MTHFD1L: variants seen among roughly 807,000 people sequenced by gnomAD.
MTHFD1L encodes methylenetetrahydrofolate dehydrogenase (NADP+ dependent) 1 like, also known as monofunctional C1-tetrahydrofolate synthase, mitochondrial.
Under a neutral mutation model 119.5 loss-of-function variants are expected in MTHFD1L, and 81 were observed. That is an observed-to-expected ratio of 0.68 (90% confidence interval 0.57 to 0.82). MTHFD1L has a LOEUF of 0.82. Ranked by LOEUF, MTHFD1L falls within the 40% of genes least tolerant of loss-of-function variation. The pLI is 0.00. For synonymous variants in MTHFD1L, 430 were observed against 475.2 expected (o/e 0.90, Z 1.24); for missense variants, 1,125 against 1,253.4 (o/e 0.90, Z 1.55).
Position 150,925,023 on chromosome 6 carries a change from C to T in MTHFD1L, c.1083-1099C>T, listed in dbSNP as rs371185796. ...TGTGTTTGCTGTTGCCTCTTACCCC[C>T]GGGTCAGGCCCCTACAGGATCCTGG... On this transcript the variant is annotated intron_variant, in intron 10 of 27. Transcript: ENST00000367321. Among the ~76,000 whole-genome samples the T allele has an allele frequency of 2.9e-4, 44 of 152,178 alleles. 1 individual carries two copies. In the East Asian group the frequency reaches 5.4e-3, roughly 19 times the overall value.
intron 26 of MTHFD1L, among the ~76,000 whole-genome samples, chr6:151,043,258 CTT>C (rs1170553631): frequency 2.5e-5 from 2 of 78,852 alleles, no homozygotes; most frequent in Non-Finnish European, 4.5e-5. Context: ...AGTGTTTTCT[CTT>C]TTTTTTTTTT....
intron 26 of MTHFD1L, among the ~76,000 whole-genome samples, chr6:151,086,213 C>A (rs1793783456): frequency 6.6e-6 from 1 of 152,158 alleles, no homozygotes; most frequent in Admixed American, 6.6e-5. Context: ...TCTACTAAGT[C>A]AAGCAAATAG....
rs1351859622 is a variant in MTHFD1L, at chr6:150,994,038, G to A, written c.2126-15781G>A. Among the ~76,000 whole-genome samples, 2 of 93,658 alleles carry A rather than the reference G, an allele frequency of 2.1e-5. 1 individual carries two copies. Among genetic ancestry groups the A allele is most frequent in the Non-Finnish European group, 3.9e-5 (2 of 50,696 alleles). 61.4% of individuals were successfully genotyped at this position (93,658 alleles called of 152,430 possible). A position where few individuals can be genotyped will look rare whatever the true frequency, so the allele number is the denominator to read the frequency against. ...TTTGCAAATGAGTCAGTTAGGATTA[G>A]TTTTACCCACAAATAACAACAACAG... On this transcript the variant is annotated intron_variant, in intron 20 of 27. Transcript: ENST00000367321.
chr6:150,921,837 A>G (rs1256467126), intron 9 of MTHFD1L, among the ~76,000 whole-genome samples: 1 of 152,250 alleles, frequency 6.6e-6, no homozygotes, highest in African/African-American at 2.4e-5. Context: ...TTTTAAAAAC[A>G]TTCTCAGATT....
intron 16 of MTHFD1L, 81 bp downstream of exon 16, chr6:150,949,214 T>A: frequency 9.0e-7 from 1 of 1,108,384 alleles, no homozygotes; most frequent in Non-Finnish European, 1.4e-6. Flanking sequence ...TTCAGAAACT[T>A]ACAGTTTGAT....
intron 24 of MTHFD1L, among the ~76,000 whole-genome samples, chr6:151,025,962 A>G (rs1192764728): frequency 1.3e-5 from 2 of 152,222 alleles, no homozygotes; most frequent in South Asian, 2.1e-4. Flanking sequence ...TAAAGCCTTC[A>G]TGGATCTTTA....
At chr6:150,925,711 A>G (rs975110159) in intron 10 of MTHFD1L, among the ~76,000 whole-genome samples, 4 of 152,114 alleles carry the variant, frequency 2.6e-5, no homozygotes, top group African/African-American at 7.2e-5. Context: ...CAAGAGAAAC[A>G]TGTGGCCAGC....
At chr6:150,876,002 G>C (rs1337569022) in intron 1 of MTHFD1L, 88 bp from the exon 2 acceptor site, 3 of 1,040,318 alleles carry the variant, frequency 2.9e-6, no homozygotes, top group Non-Finnish European at 2.9e-6. Flanking sequence ...TTCACTTGGA[G>C]GAAGGAACTT....
At chr6:150,906,860 T>C (rs140783751) in intron 8 of MTHFD1L, among the ~76,000 whole-genome samples, 36 of 152,262 alleles carry the variant, frequency 2.4e-4, no homozygotes, top group Non-Finnish European at 2.2e-4. Flanking sequence ...TAAAAACCCC[T>C]TGGGGGCTGG....
Position 151,039,861 on chromosome 6 carries a change from G to T in MTHFD1L, c.2847+2744G>T, listed in dbSNP as rs534507177. Among the ~76,000 whole-genome samples, 128 of 152,290 alleles carry T rather than the reference G, an allele frequency of 8.4e-4. No individual in the cohort carries two copies. Among genetic ancestry groups the T allele is most frequent in the African/African-American group, 2.7e-3 (114 of 41,554 alleles). ...ACCCGGGAGGCAGAAGTTGCAGTAA[G>T]CCAAGATTGCGCCATTGCACTTCAG... On this transcript the variant is annotated intron_variant, in intron 26 of 27. Transcript: ENST00000367321. The surrounding 1 kb of genome is among the most constrained non-coding windows in gnomAD (Gnocchi z 4.4).
At chr6:150,955,562 C>T (rs2128986970) in intron 16 of MTHFD1L, among the ~76,000 whole-genome samples, 1 of 144,262 alleles carries the variant, frequency 6.9e-6, no homozygotes, top group South Asian at 2.2e-4. Context: ...TGCAGTGGTG[C>T]AATCTCAGCT....
intron 10 of MTHFD1L, among the ~76,000 whole-genome samples, chr6:150,924,363 G>C (rs961531724): frequency 2.0e-5 from 3 of 152,164 alleles, no homozygotes; most frequent in Non-Finnish European, 4.4e-5. Flanking sequence ...AGTAGAGACA[G>C]GGTTTCACCA....
At chr6:151,019,218 C>CTGATCACGCCATCTGATCATGCCATA (rs1783588747) in intron 24 of MTHFD1L, among the ~76,000 whole-genome samples, 1 of 152,068 alleles carries the variant, frequency 6.6e-6, no homozygotes, top group Non-Finnish European at 1.5e-5. Flanking sequence ...GAGTGTGCCT[C>CTGATCACGCCATCTGATCATGCCATA]TGATCATGCC....
At chr6:150,937,124 G>A (rs538161419) in intron 12 of MTHFD1L, among the ~76,000 whole-genome samples, 184 bp downstream of exon 12, 5 of 152,156 alleles carry the variant, frequency 3.3e-5, no homozygotes, top group Admixed American at 1.3e-4. Context: ...AAGAGCAGTG[G>A]GAGCCGCCAG....
chr6:150,902,910 GT>G (rs1239017678), intron 7 of MTHFD1L, among the ~76,000 whole-genome samples: 49 of 152,138 alleles, frequency 3.2e-4, no homozygotes, highest in African/African-American at 1.1e-3. Flanking sequence ...CCGTGTTCTG[GT>G]TTTGCTGCTA....
chr6:150,892,487 C>T (rs908352377), intron 7 of MTHFD1L, among the ~76,000 whole-genome samples: 6 of 152,238 alleles, frequency 3.9e-5, no homozygotes, highest in Middle Eastern at 3.4e-3. Flanking sequence ...GTTGCACACA[C>T]GTTTTTTTCC....
intron 26 of MTHFD1L, among the ~76,000 whole-genome samples, chr6:151,075,426 C>T (rs941619722): frequency 2.2e-4 from 33 of 151,712 alleles, no homozygotes; most frequent in Admixed American, 1.4e-3. Context: ...ACAAAGGGGC[C>T]GTTTCACGAA....
chr6:151,016,537 G>A (rs1452022350), intron 24 of MTHFD1L, among the ~76,000 whole-genome samples: 4 of 148,484 alleles, frequency 2.7e-5, no homozygotes, highest in South Asian at 4.2e-4. Context: ...TGGGCAGGCT[G>A]GTCTCAAACT....
rs543574323 is a variant in MTHFD1L, at chr6:151,090,712, AT to A, written c.2848-1754del. Among the ~76,000 whole-genome samples the A allele has an allele frequency of 9.6e-4, 146 of 152,380 alleles. 2 individuals are homozygous for A. Among genetic ancestry groups the A allele is most frequent in the Middle Eastern group, 3.4e-3 (1 of 294 alleles). Reference sequence around the variant, plus strand: ...CCTGGATGCCATCAGGTGCTGGCACATCGCAGCCTCATCTCATGCAAGGTGT... The same window carrying A: ...CCTGGATGCCATCAGGTGCTGGCACACGCAGCCTCATCTCATGCAAGGTGT... On this transcript the variant is annotated intron_variant, in intron 26 of 27. Transcript: ENST00000367321.
Sources: allele counts gnomAD v4.1 joint callset (sites outside exome capture counted in the v4.1 genomes callset), GRCh38; gene constraint gnomAD v4.1.1; non-coding constraint Gnocchi (gnomAD v3.1); transcripts MANE v1.5; gene names NCBI Gene and HGNC (gene_info 2026-07-23, HGNC 2026-07-21).